Variants in CTNND2 observed in about 807,000 individuals in gnomAD.
The protein encoded by CTNND2 is catenin delta-2.
A neutral mutation model predicts 144.4 loss-of-function variants in CTNND2; 22 were observed. The ratio of observed to expected loss-of-function variants is 0.15; its 90% confidence interval spans 0.11 to 0.22. The LOEUF (loss-of-function observed/expected upper bound fraction) is 0.22. CTNND2 is among the 10% of genes least tolerant of loss of function. The pLI is 1.00. For missense variants in CTNND2, 1,353 were observed against 1,618.8 expected (o/e 0.84, Z 2.82); for synonymous variants, 751 against 695.6 (o/e 1.08, Z -1.25).
intron 12 of CTNND2, among the ~76,000 whole-genome samples, chr5:11,135,843 C>T (rs1237106191): frequency 2.6e-5 from 4 of 152,174 alleles, no homozygotes; most frequent in African/African-American, 7.2e-5. Context: ...CATGAAGTTG[C>T]AAACAAGCTA....
At chr5:11,059,580 C>T (rs1003061218) in intron 16 of CTNND2, among the ~76,000 whole-genome samples, 2 of 152,104 alleles carry the variant, frequency 1.3e-5, no homozygotes, top group Non-Finnish European at 2.9e-5. Flanking sequence ...GTACATCATC[C>T]GTACTACAGA....
intron 1 of CTNND2, among the ~76,000 whole-genome samples, chr5:11,808,288 C>T (rs569173555): frequency 1.3e-5 from 2 of 152,278 alleles, no homozygotes; most frequent in African/African-American, 4.8e-5. Context: ...CTGCAGATGA[C>T]GGTCGAGGAG....
Position 11,485,378 on chromosome 5 carries a change from C to CGTGT in CTNND2, c.288-73310_288-73309insACAC, listed in dbSNP as rs1561461927. The stretch of plus-strand genomic sequence containing the variant: ...GTGTGTGTGTGTGTGTGTGTGTGCG[C>CGTGT]GCGCGCGCGTGCGCGCGCACATTCA... On this transcript the variant is annotated intron_variant, in intron 3 of 21. Transcript: ENST00000304623. 3.8e-3 allele frequency among the ~76,000 whole-genome samples: 355 copies of CGTGT among 94,434 alleles called. 1 individual carries two copies. Among genetic ancestry groups the CGTGT allele is most frequent in the African/African-American group, 9.4e-3 (348 of 36,838 alleles). 62.0% of individuals were successfully genotyped at this position (94,434 alleles called of 152,430 possible).
At chr5:11,877,378 G>A (rs1430287707) in intron 1 of CTNND2, among the ~76,000 whole-genome samples, 4 of 151,952 alleles carry the variant, frequency 2.6e-5, no homozygotes, top group African/African-American at 9.7e-5. Context: ...TTTGCTATTT[G>A]CTGTTTTAAT....
intron 11 of CTNND2, among the ~76,000 whole-genome samples, chr5:11,167,012 G>T (rs949869637): frequency 2.0e-5 from 3 of 152,190 alleles, no homozygotes; most frequent in Non-Finnish European, 4.4e-5. Context: ...GGGTTGGTTG[G>T]CCACAACAAA....
chr5:11,194,012 G>A (rs150604505), intron 11 of CTNND2, among the ~76,000 whole-genome samples: 122 of 152,252 alleles, frequency 8.0e-4, no homozygotes, highest in African/African-American at 2.7e-3. Flanking sequence ...AACTCATACA[G>A]GACAGAAGAT....
chr5:11,643,093 T>C (rs574694108), intron 2 of CTNND2, among the ~76,000 whole-genome samples: 2 of 152,332 alleles, frequency 1.3e-5, no homozygotes, highest in South Asian at 4.1e-4. Flanking sequence ...TTATAATCTA[T>C]GTAAGCACTT....
intron 9 of CTNND2, among the ~76,000 whole-genome samples, chr5:11,242,124 A>G (rs1200901473): frequency 6.6e-6 from 1 of 152,194 alleles, no homozygotes; most frequent in African/African-American, 2.4e-5. Context: ...TGGTCTGTGG[A>G]TACTGTTGTG....
At chr5:11,268,849 G>T (rs1298688317) in intron 9 of CTNND2, among the ~76,000 whole-genome samples, 4 of 152,042 alleles carry the variant, frequency 2.6e-5, no homozygotes, top group Non-Finnish European at 5.9e-5. Flanking sequence ...GATGTTCATT[G>T]CAGGGAGCAA....
At chr5:11,230,640 C>A (rs1740900380) in intron 10 of CTNND2, among the ~76,000 whole-genome samples, 1 of 152,182 alleles carries the variant, frequency 6.6e-6, no homozygotes, top group Admixed American at 6.5e-5. Context: ...ACGGACCACA[C>A]TAACTTACTG....
At chr5:11,249,367 G>A (rs1040088484) in intron 9 of CTNND2, among the ~76,000 whole-genome samples, 1 of 152,134 alleles carries the variant, frequency 6.6e-6, no homozygotes, top group African/African-American at 2.4e-5. Context: ...TCAGTAAGAG[G>A]GCGTTGAATA....
At chr5:11,333,811 G>A (rs577248285) in intron 9 of CTNND2, among the ~76,000 whole-genome samples, 64 of 152,228 alleles carry the variant, frequency 4.2e-4, no homozygotes, top group South Asian at 2.3e-3. Context: ...CTGTTTGGAC[G>A]TCCTTAGGAC....
At chr5:11,480,542 C>T (rs1280446163) in intron 3 of CTNND2, among the ~76,000 whole-genome samples, 2 of 152,152 alleles carry the variant, frequency 1.3e-5, no homozygotes, top group Middle Eastern at 3.4e-3. Flanking sequence ...TTTTCTAACG[C>T]GATTCAGTAA....
chr5:11,060,371 A>G (rs1166346092), intron 16 of CTNND2, among the ~76,000 whole-genome samples: 2 of 152,272 alleles, frequency 1.3e-5, no homozygotes, highest in South Asian at 2.1e-4. Context: ...ACAGGGATTC[A>G]TCAAGTCCCA....
At chr5:11,617,398 T>C (rs76294014) in intron 2 of CTNND2, among the ~76,000 whole-genome samples, 3,144 of 152,326 alleles carry the variant, frequency 0.021, 108 homozygotes, top group African/African-American at 0.072. Flanking sequence ...CTTGATGTCA[T>C]AGTTTCTAGA....
At chr5:11,757,239 G>A (rs953424684) in intron 1 of CTNND2, among the ~76,000 whole-genome samples, 4 of 151,092 alleles carry the variant, frequency 2.6e-5, no homozygotes, top group African/African-American at 9.7e-5. Flanking sequence ...ATATTGTTCT[G>A]TAACTTTTTT....
intron 10 of CTNND2, among the ~76,000 whole-genome samples, chr5:11,231,212 T>C (rs752002650): frequency 2.6e-5 from 4 of 152,078 alleles, no homozygotes; most frequent in Non-Finnish European, 2.9e-5. Context: ...TGTGAGTCCA[T>C]TAAACCTCTT....
chr5:11,053,940 T>G (rs992670985), intron 16 of CTNND2, among the ~76,000 whole-genome samples: 12 of 152,220 alleles, frequency 7.9e-5, no homozygotes, highest in Non-Finnish European at 1.5e-4. Context: ...AGTAAGTTGC[T>G]TTTTGGGAAA....
intron 3 of CTNND2, among the ~76,000 whole-genome samples, chr5:11,496,050 C>T (rs749687662): frequency 7.9e-5 from 12 of 152,152 alleles, no homozygotes; most frequent in Non-Finnish European, 1.0e-4. Context: ...ACTTGATATC[C>T]TTTAACATGC....
Sources: gnomAD v4.1 joint callset for allele counts (sites outside exome capture counted in the v4.1 genomes callset) on GRCh38, gnomAD v4.1.1 for gene constraint, MANE v1.5 for transcripts, NCBI Gene and HGNC (gene_info 2026-07-23, HGNC 2026-07-21) for gene names.